The following FOXN3 variants were observed in gnomAD, a reference collection of about 807,000 sequenced individuals.
FOXN3 encodes forkhead box protein N3.
A neutral mutation model predicts 38.4 loss-of-function variants in FOXN3; 7 were observed. The observed-to-expected ratio is 0.18, with a 90% CI of 0.10 to 0.34. The LOEUF (loss-of-function observed/expected upper bound fraction) is 0.34, where lower values mean the gene tolerates loss of function less well. Ranked by LOEUF, FOXN3 falls within the 10% of genes least tolerant of loss-of-function variation. The probability of loss-of-function intolerance (pLI) is 1.00; values close to 1 mark genes in which losing one functional copy is unlikely to be tolerated. For missense variants in FOXN3, 456 were observed against 613.4 expected (o/e 0.74, Z 2.71); for synonymous variants, 230 against 242.2 (o/e 0.95, Z 0.47).
chr14:89,456,965 A>G (rs1892739473), intron 1 of FOXN3, among the ~76,000 whole-genome samples: 1 of 152,160 alleles, frequency 6.6e-6, no homozygotes, highest in South Asian at 2.1e-4. Context: ...TATGGGAAAC[A>G]TTGAATATGA....
At chr14:89,521,486 C>A (rs1466156601) in intron 1 of FOXN3, among the ~76,000 whole-genome samples, 2 of 151,762 alleles carry the variant, frequency 1.3e-5, no homozygotes, top group Non-Finnish European at 2.9e-5. Context: ...TGGAAAAAAT[C>A]AGAACTTTAG....
intron 2 of FOXN3, among the ~76,000 whole-genome samples, chr14:89,365,970 G>GTCGTGA (rs1377130861): frequency 6.6e-6 from 1 of 152,142 alleles, no homozygotes; most frequent in Non-Finnish European, 1.5e-5. Flanking sequence ...CTTTATTATA[G>GTCGTGA]GCCGAGCCCA....
chr14:89,316,810 G>T (rs755086820), intron 3 of FOXN3, among the ~76,000 whole-genome samples: 32 of 152,006 alleles, frequency 2.1e-4, no homozygotes, highest in Non-Finnish European at 3.4e-4. Flanking sequence ...GATTACAGGG[G>T]CCTATCACCA....
intron 1 of FOXN3, among the ~76,000 whole-genome samples, chr14:89,487,371 A>T (rs1017717958): frequency 6.6e-6 from 1 of 152,208 alleles, no homozygotes; most frequent in Non-Finnish European, 1.5e-5. Context: ...GGAGTATATT[A>T]ATTAGATCGG....
chr14:89,182,948 A>G (rs558062742), intron 4 of FOXN3, among the ~76,000 whole-genome samples: 87 of 152,348 alleles, frequency 5.7e-4, no homozygotes, highest in Non-Finnish European at 1.2e-3. Flanking sequence ...CTCATACCAC[A>G]TATAAAAATT....
intron 4 of FOXN3, among the ~76,000 whole-genome samples, chr14:89,273,561 C>A (rs1273418977): frequency 6.6e-6 from 1 of 152,166 alleles, no homozygotes; most frequent in Non-Finnish European, 1.5e-5. Context: ...GGAGATTGGG[C>A]AAATTTGGAA....
Position 89,199,059 on chromosome 14 carries a change from C to T in FOXN3, c.746-18253G>A, listed in dbSNP as rs759812675. On this transcript the variant is annotated intron_variant, in intron 4 of 5. Coordinates refer to ENST00000557258, the MANE Select transcript of FOXN3 (RefSeq NM_005197.4). ...AATCAATCAAGATATCTATAACAGCCGCCTCTGATCTTGAAGGCAGCAGAA... is the reference window on the plus strand; with the variant it reads ...AATCAATCAAGATATCTATAACAGCTGCCTCTGATCTTGAAGGCAGCAGAA... Among the ~76,000 whole-genome samples the T allele has an allele frequency of 6.6e-5, 10 of 152,204 alleles. No homozygotes were observed. The East Asian group carries it at 1.3e-3, about 20-fold the overall frequency.
chr14:89,354,914 G>A (rs2140015376), intron 2 of FOXN3: 1 of 151,960 alleles, frequency 6.6e-6, no homozygotes, highest in East Asian at 1.9e-4. Context: ...TAAGTGTCGG[G>A]GAATTCAAAA....
At chr14:89,413,511 G>A (rs959976090) in intron 1 of FOXN3, among the ~76,000 whole-genome samples, 6 of 152,014 alleles carry the variant, frequency 3.9e-5, no homozygotes, top group Admixed American at 3.3e-4. Flanking sequence ...GCATGTGCCT[G>A]TAGTCCCAGC....
intron 1 of FOXN3, among the ~76,000 whole-genome samples, chr14:89,479,235 C>G (rs1035320322): frequency 5.3e-5 from 8 of 152,072 alleles, no homozygotes; most frequent in African/African-American, 1.9e-4. Flanking sequence ...TGCTGAAAAC[C>G]CAGGCCAGTC....
At chr14:89,540,516 C>T (rs112561695) in intron 1 of FOXN3, among the ~76,000 whole-genome samples, 3,049 of 152,120 alleles carry the variant, frequency 0.02, 49 homozygotes, top group Non-Finnish European at 0.033. Flanking sequence ...GGGCGGATCG[C>T]GAGGTCAGGA....
chr14:89,517,915 T>C (rs1894238163), intron 1 of FOXN3, among the ~76,000 whole-genome samples: 1 of 152,236 alleles, frequency 6.6e-6, no homozygotes, highest in Admixed American at 6.5e-5. Flanking sequence ...CTGAAACGTG[T>C]TAGAGCAAAA....
chr14:89,205,497 G>A (rs1258585223), intron 4 of FOXN3, among the ~76,000 whole-genome samples: 1 of 152,242 alleles, frequency 6.6e-6, no homozygotes, highest in Non-Finnish European at 1.5e-5. Context: ...CAAGACCCTA[G>A]TAGGCACTGA....
intron 2 of FOXN3, among the ~76,000 whole-genome samples, chr14:89,377,578 C>A (rs984331477): frequency 3.3e-5 from 5 of 152,286 alleles, no homozygotes; most frequent in Non-Finnish European, 5.9e-5. Flanking sequence ...AACATGTTAA[C>A]AATTACTCAT....
intron 1 of FOXN3, among the ~76,000 whole-genome samples, chr14:89,483,893 A>T (rs1180711405): frequency 2.6e-5 from 4 of 152,224 alleles, no homozygotes; most frequent in Non-Finnish European, 5.9e-5. Context: ...AGCTTACTTG[A>T]TTTAAAACAA....
intron 1 of FOXN3, among the ~76,000 whole-genome samples, chr14:89,453,070 ATACCT>A (rs1892646418): frequency 6.6e-6 from 1 of 152,056 alleles, no homozygotes; most frequent in African/African-American, 2.4e-5. Flanking sequence ...ATTGTGGCAC[ATACCT>A]GTAATCCCAG....
At chr14:89,227,744 A>C (rs757413523) in intron 4 of FOXN3, among the ~76,000 whole-genome samples, 27 of 152,240 alleles carry the variant, frequency 1.8e-4, no homozygotes, top group Admixed American at 6.5e-4. Flanking sequence ...CCGTCTTAGC[A>C]GACTGCAAGA....
chr14:89,411,032 C>T (rs1055618391), intron 2 of FOXN3, among the ~76,000 whole-genome samples: 5 of 152,196 alleles, frequency 3.3e-5, no homozygotes, highest in Admixed American at 1.3e-4. Flanking sequence ...CTGTTAGGAA[C>T]GGGGCTGCAC....
chr14:89,570,342 T>C (rs1311374337), intron 1 of FOXN3, among the ~76,000 whole-genome samples: 3 of 152,076 alleles, frequency 2.0e-5, no homozygotes, highest in Non-Finnish European at 4.4e-5. Context: ...TTGCACATCA[T>C]TGCTTGTGGC....
Sources: gnomAD v4.1 joint callset for allele counts (sites outside exome capture counted in the v4.1 genomes callset) on GRCh38, gnomAD v4.1.1 for gene constraint, MANE v1.5 for transcripts, NCBI Gene and HGNC (gene_info 2026-07-23, HGNC 2026-07-21) for gene names.